TMEM74: variants seen among roughly 807,000 people sequenced by gnomAD.
TMEM74 encodes the protein transmembrane protein 74.
A neutral mutation model predicts 18.1 loss-of-function variants in TMEM74; 13 were observed. The observed-to-expected ratio is 0.72, with a 90% CI of 0.47 to 1.14. The LOEUF (loss-of-function observed/expected upper bound fraction) is 1.14, where lower values mean the gene tolerates loss of function less well. Ranked by LOEUF, TMEM74 falls within the 50% of genes most tolerant of loss-of-function variation. The pLI is 0.00. For missense variants in TMEM74, 372 were observed against 375.9 expected, an observed-to-expected ratio of 0.99 and a Z score of 0.09; for synonymous variants, 159 against 146.6, an observed-to-expected ratio of 1.08 and a Z score of -0.61.
chr8:108,669,767 G>C (rs1812984350), intron 1 of TMEM74, among the ~76,000 whole-genome samples: 1 of 152,174 alleles, frequency 6.6e-6, no homozygotes, highest in Non-Finnish European at 1.5e-5. Flanking sequence ...GCCAGGCATG[G>C]TGGCTCACGC....
At chr8:108,705,392 A>T (rs1474404906) in intron 1 of TMEM74, among the ~76,000 whole-genome samples, 1 of 152,180 alleles carries the variant, frequency 6.6e-6, no homozygotes, top group Non-Finnish European at 1.5e-5. Context: ...ATTAGGAGAG[A>T]AAAAGGAGTT....
intron 1 of TMEM74, among the ~76,000 whole-genome samples, chr8:108,656,709 T>C (rs1812824762): frequency 1.3e-5 from 2 of 152,182 alleles, no homozygotes; most frequent in Admixed American, 1.3e-4. Flanking sequence ...CAGCTTAGAA[T>C]TCCTGTGGTC....
At chr8:108,660,275 C>T (rs1812887049) in intron 1 of TMEM74, among the ~76,000 whole-genome samples, 1 of 152,192 alleles carries the variant, frequency 6.6e-6, no homozygotes, top group Non-Finnish European at 1.5e-5. Flanking sequence ...CTACTCATTT[C>T]CAATATTCTA....
At chr8:108,622,923 G>A (rs1291396206) in intron 2 of TMEM74, among the ~76,000 whole-genome samples, 1 of 151,906 alleles carries the variant, frequency 6.6e-6, no homozygotes, top group Admixed American at 6.6e-5. Flanking sequence ...TATGTGCTAA[G>A]AATACAAAGA....
chr8:108,648,612 G>A (rs1480415100), intron 2 of TMEM74, among the ~76,000 whole-genome samples: 1 of 152,156 alleles, frequency 6.6e-6, no homozygotes, highest in Non-Finnish European at 1.5e-5. Flanking sequence ...AGTCAGAGAA[G>A]ATGGGGTAAT....
At chr8:108,657,911 A>T (rs115338264) in intron 1 of TMEM74, among the ~76,000 whole-genome samples, 1,877 of 131,504 alleles carry the variant, frequency 0.014, 85 homozygotes, top group African/African-American at 0.053. Flanking sequence ...TATTAATTAC[A>T]TATATATATT....
chr8:108,735,005 C>T (rs538959991), intron 1 of TMEM74, among the ~76,000 whole-genome samples: 1 of 152,338 alleles, frequency 6.6e-6, no homozygotes, highest in East Asian at 1.9e-4. Flanking sequence ...GACTCTTCCG[C>T]ATTCACTAAG....
intron 2 of TMEM74, among the ~76,000 whole-genome samples, chr8:108,629,153 C>G (rs1812525510): frequency 6.6e-6 from 1 of 151,898 alleles, no homozygotes; most frequent in Admixed American, 6.6e-5. Context: ...CCTGATGGAG[C>G]TGAAAAACAC....
chr8:108,665,010 A>C (rs1284788749), intron 1 of TMEM74, among the ~76,000 whole-genome samples: 1 of 148,818 alleles, frequency 6.7e-6, no homozygotes, highest in Non-Finnish European at 1.5e-5. Flanking sequence ...GATCCAACTT[A>C]AAGCTTTTTT....
At chr8:108,625,797 T>C (rs900639754) in intron 2 of TMEM74, among the ~76,000 whole-genome samples, 1 of 152,018 alleles carries the variant, frequency 6.6e-6, no homozygotes, top group African/African-American at 2.4e-5. Flanking sequence ...TTAATGTTAC[T>C]ATAGGGATGG....
At chr8:108,729,394 C>A (rs1813672247) in intron 1 of TMEM74, among the ~76,000 whole-genome samples, 1 of 152,166 alleles carries the variant, frequency 6.6e-6, no homozygotes. Context: ...ATCTCTCTGG[C>A]TCATGTGTTT....
At chr8:108,646,081 G>GTTT (rs765519153) in intron 2 of TMEM74, among the ~76,000 whole-genome samples, 2 of 138,824 alleles carry the variant, frequency 1.4e-5, no homozygotes, top group Non-Finnish European at 1.6e-5. Flanking sequence ...TGTTCACGAA[G>GTTT]TTTTTTTTTT....
chr8:108,786,489 G>T (rs187066653), intron 1 of TMEM74, among the ~76,000 whole-genome samples: 12 of 152,256 alleles, frequency 7.9e-5, no homozygotes, highest in Admixed American at 6.5e-4. Flanking sequence ...GGTCAACCTG[G>T]CAACTCAAAA....
intron 1 of TMEM74, among the ~76,000 whole-genome samples, chr8:108,682,875 T>A (rs944086938): frequency 2.6e-5 from 4 of 151,860 alleles, no homozygotes; most frequent in African/African-American, 4.8e-5. Context: ...TTAATAATAA[T>A]GAAATACAAT....
intron 1 of TMEM74, among the ~76,000 whole-genome samples, chr8:108,744,962 C>T (rs1022086447): frequency 6.6e-6 from 1 of 152,120 alleles, no homozygotes; most frequent in Non-Finnish European, 1.5e-5. Flanking sequence ...TTCCATTTTG[C>T]ATAAGAAATT....
chr8:108,675,926 T>C (rs1326689269), intron 1 of TMEM74, among the ~76,000 whole-genome samples: 1 of 152,126 alleles, frequency 6.6e-6, no homozygotes, highest in East Asian at 1.9e-4. Flanking sequence ...GAGATAATAT[T>C]ATTCATATTA....
chr8:108,784,232 G>C lies in TMEM74; in HGVS notation c.867C>G (p.Asn289Lys). The C allele has an allele frequency of 6.2e-7, 1 of 1,614,164 alleles. No individual in the cohort carries two copies. The highest frequency in any genetic ancestry group is 8.5e-7 in the Non-Finnish European group (1 of 1,180,026). The change falls in exon 2 of 2, where the codon AAC becomes AAG. Residue 289 changes from asparagine (N) to lysine (K), a missense_variant. By Grantham distance (94) the Asn-to-Lys change is moderately conservative. Transcript: ENST00000297459. The stretch of plus-strand genomic sequence containing the variant: ...CCTCTACCAAGGACAGTTCCAGAGT[G>C]TTTTCATTCGTGCTGGTTTTCATCC... ...NFRMKTSTNE[N>K]TLELSLVEED...
At chr8:108,628,739 AC>A (rs1231202424) in intron 2 of TMEM74, among the ~76,000 whole-genome samples, 6 of 152,110 alleles carry the variant, frequency 3.9e-5, no homozygotes, top group African/African-American at 1.4e-4. Flanking sequence ...ACTAATTTAT[AC>A]TTCCACCAAA....
chr8:108,690,676 G>T lies in TMEM74; in HGVS notation n.120-35239C>A, dbSNP rs1311610050. 2.0e-5 allele frequency among the ~76,000 whole-genome samples: 3 copies of T among 152,148 alleles called. No individual in the cohort carries two copies. In the East Asian group the frequency reaches 5.8e-4, roughly 29 times the overall value. ...TAAAAAAATAAAAAATAAAAAATTAGCCGGGCATGGTGGCAGGCGCCTGTA... is the reference window on the plus strand; with the variant it reads ...TAAAAAAATAAAAAATAAAAAATTATCCGGGCATGGTGGCAGGCGCCTGTA... On this transcript the variant is annotated intron_variant and non_coding_transcript_variant, in intron 1 of 3. Transcript: ENST00000518838.
Sources: gnomAD v4.1 joint callset for allele counts (sites outside exome capture counted in the v4.1 genomes callset) on GRCh38, gnomAD v4.1.1 for gene constraint, MANE v1.5 for transcripts, NCBI Gene and HGNC (gene_info 2026-07-23, HGNC 2026-07-21) for gene names.